The following PRH1 variants were observed in gnomAD, a reference collection of about 807,000 sequenced individuals.
PRH1 encodes salivary acidic proline-rich phosphoprotein 1/2.
A neutral mutation model predicts 7.9 loss-of-function variants in PRH1; 7 were observed. The ratio of observed to expected loss-of-function variants is 0.89; its 90% CI spans 0.50 to 1.67. The LOEUF (loss-of-function observed/expected upper bound fraction) is 1.67, where lower values mean the gene tolerates loss of function less well. PRH1 is among the 40% of genes most tolerant of loss of function. The pLI, the probability that PRH1 is intolerant of heterozygous loss-of-function variation, is 0.00. For synonymous variants in PRH1, 45 were observed against 80.8 expected (o/e 0.56, Z 2.38); for missense variants, 109 against 223.6 (o/e 0.49, Z 3.27).
At chr12:11,004,340 T>C (rs779071520) in intron 1 of PRH1, among the ~76,000 whole-genome samples, 4 of 151,940 alleles carry the variant, frequency 2.6e-5, no homozygotes, top group Admixed American at 1.3e-4. Context: ...ATACAAAAAA[T>C]ACTAAAAATA....
At chr12:10,914,037 T>C (rs1240865699) in intron 2 of PRH1, among the ~76,000 whole-genome samples, 1 of 152,178 alleles carries the variant, frequency 6.6e-6, no homozygotes, top group African/African-American at 2.4e-5. Context: ...AACACCTAAC[T>C]TATGTGACAC....
intron 1 of PRH1, among the ~76,000 whole-genome samples, chr12:11,143,550 A>T (rs181949065): frequency 6.6e-6 from 1 of 152,298 alleles, no homozygotes; most frequent in Non-Finnish European, 1.5e-5. Flanking sequence ...TAAACTCTCC[A>T]ATCAAAAGGC....
intron 1 of PRH1, among the ~76,000 whole-genome samples, chr12:11,072,920 A>G (rs1413361094): frequency 2.6e-5 from 4 of 151,846 alleles, no homozygotes. Flanking sequence ...ATTTTGCAAA[A>G]CATCATGTTA....
chr12:11,103,160 A>T (rs954751104), intron 1 of PRH1, among the ~76,000 whole-genome samples: 1 of 152,184 alleles, frequency 6.6e-6, no homozygotes, highest in Non-Finnish European at 1.5e-5. Flanking sequence ...AGAACTAGAA[A>T]TGCCATTTGA....
At chr12:10,997,615 G>A (rs11054142) in intron 1 of PRH1, 574,324 of 1,613,298 alleles carry the variant, frequency 0.36, 113,725 homozygotes, top group East Asian at 0.75. Flanking sequence ...TTACTGCCCA[G>A]GCATTAGAAA....
intron 1 of PRH1, among the ~76,000 whole-genome samples, chr12:10,983,496 C>T (rs1939456530): frequency 6.6e-6 from 1 of 152,158 alleles, no homozygotes; most frequent in Admixed American, 6.5e-5. Context: ...TTTGGGACTT[C>T]AATGGAACAC....
upstream of PRH1, among the ~76,000 whole-genome samples, chr12:10,887,581 G>T (rs193095894): frequency 2.7e-5 from 4 of 149,734 alleles, no homozygotes; most frequent in African/African-American, 7.4e-5. Context: ...GGGTGCAGTG[G>T]CATGATCTCA....
chr12:11,061,292 G>GT, intron 1 of PRH1: 1 of 1,529,586 alleles, frequency 6.5e-7, no homozygotes, highest in Non-Finnish European at 8.8e-7. Flanking sequence ...AGAAAACACA[G>GT]TAAGAAATAT....
intron 2 of PRH1, among the ~76,000 whole-genome samples, chr12:10,924,809 CT>C (rs1433841432): frequency 6.6e-6 from 1 of 152,158 alleles, no homozygotes; most frequent in African/African-American, 2.4e-5. Context: ...ATAGTTTTCT[CT>C]GATGGTAGTT....
At chr12:10,964,917 C>T (rs192492065) in intron 2 of PRH1, 8 of 588,646 alleles carry the variant, frequency 1.4e-5, no homozygotes, top group African/African-American at 1.1e-4. Context: ...ATGTTTACCA[C>T]AACAAGATGA....
intron 2 of PRH1, among the ~76,000 whole-genome samples, chr12:10,890,672 T>C (rs1379325356): frequency 6.6e-6 from 1 of 151,968 alleles, no homozygotes; most frequent in Non-Finnish European, 1.5e-5. Flanking sequence ...CCAGGAGTTC[T>C]AGACCAGCCT....
At chr12:10,968,332 C>T (rs904974725) in intron 2 of PRH1, among the ~76,000 whole-genome samples, 8 of 152,128 alleles carry the variant, frequency 5.3e-5, no homozygotes, top group Admixed American at 4.6e-4. Context: ...ACTAATGTAA[C>T]TTGCCCATAA....
At chr12:10,945,129 G>GT (rs1186141533) in intron 2 of PRH1, among the ~76,000 whole-genome samples, 3 of 152,138 alleles carry the variant, frequency 2.0e-5, no homozygotes, top group Admixed American at 6.5e-5. Context: ...TGTAAAAATG[G>GT]TAACAGCTCT....
rs552420168 is a variant in PRH1 at position 11,108,197 on chromosome 12, G to C, written n.124-61009C>G. On this transcript the variant is annotated intron_variant and non_coding_transcript_variant, in intron 1 of 4. Transcript: ENST00000541977. ...AATTTCAAACGGATTACTTCAGTCA[G>C]AAAGAAAAGGACATTAATGGGCAAT... 3.3e-5 allele frequency among the ~76,000 whole-genome samples: 5 copies of C among 152,294 alleles called. No homozygotes were observed. The South Asian group carries it at 1.0e-3, about 32-fold the overall frequency.
chr12:11,170,391 C>CA (rs1175375217), intron 1 of PRH1, among the ~76,000 whole-genome samples: 2 of 152,036 alleles, frequency 1.3e-5, no homozygotes, highest in Non-Finnish European at 1.5e-5. Context: ...CCAAAAAATA[C>CA]AAAAAATTAG....
intron 1 of PRH1, among the ~76,000 whole-genome samples, chr12:11,131,842 C>T (rs2600358): frequency 0.49 from 69,329 of 142,840 alleles, 16,556 homozygotes; most frequent in Non-Finnish European, 0.56. Flanking sequence ...ATGAGTTTCC[C>T]TTTCATTGGT....
chr12:11,169,364 C>A (rs1313786346), intron 1 of PRH1, among the ~76,000 whole-genome samples: 1 of 152,180 alleles, frequency 6.6e-6, no homozygotes, highest in East Asian at 1.9e-4. Context: ...AGAAGGAAAT[C>A]TTTCTTCAGC....
intron 1 of PRH1, among the ~76,000 whole-genome samples, chr12:11,028,227 A>G (rs1330971822): frequency 2.0e-5 from 3 of 152,250 alleles, no homozygotes; most frequent in Non-Finnish European, 4.4e-5. Context: ...TTCTGCCTCA[A>G]GGAAACCCTG....
At chr12:10,959,485 C>A (rs1472929834) in intron 2 of PRH1, among the ~76,000 whole-genome samples, 1 of 151,968 alleles carries the variant, frequency 6.6e-6, no homozygotes, top group Non-Finnish European at 1.5e-5. Flanking sequence ...AATTTAGACC[C>A]TTATTTTATA....
Sources: gnomAD v4.1 joint callset for allele counts (sites outside exome capture counted in the v4.1 genomes callset) on GRCh38, gnomAD v4.1.1 for gene constraint, MANE v1.5 for transcripts, NCBI Gene and HGNC (gene_info 2026-07-23, HGNC 2026-07-21) for gene names.